RAI14: variants seen among roughly 807,000 people sequenced by gnomAD.
RAI14 encodes the protein retinoic acid induced 14, also known as ankycorbin.
In RAI14, 45 loss-of-function variants were observed where a neutral mutation model predicts 115.4. That is an observed-to-expected ratio of 0.39 (90% CI 0.31 to 0.50). The LOEUF (loss-of-function observed/expected upper bound fraction) is 0.50. Among genes scored for constraint, RAI14 ranks in the 20% least tolerant of loss-of-function variants. The pLI, the probability that RAI14 is intolerant of heterozygous loss-of-function variation, is 0.85. For missense variants in RAI14, 939 were observed against 1,131.2 expected (o/e 0.83, Z 2.44); for synonymous variants, 371 against 415.4 (o/e 0.89, Z 1.30).
chr5:34,689,282 A>G (rs1738266577), intron 2 of RAI14, among the ~76,000 whole-genome samples: 1 of 152,002 alleles, frequency 6.6e-6, no homozygotes, highest in Non-Finnish European at 1.5e-5. Context: ...GGGCACACCT[A>G]TGGTTCCAGC....
In RAI14 at chr5:34,814,763, CT is replaced by C. The variant is rs1756005486; in HGVS notation, c.939+96del. The C allele has an allele frequency of 4.0e-6, 4 of 991,866 alleles. No homozygotes were observed. In the Admixed American group the frequency reaches 8.0e-5, roughly 20 times the overall value. 61.4% of individuals were successfully genotyped at this position (991,866 alleles called of 1,614,324 possible). ...ATAACACTGGGAAAAACAGAATATA[CT>C]TCTGAATCATTGGTTCACAACCTTT... On this transcript the variant is annotated intron_variant, in intron 12 of 17. Coordinates refer to ENST00000265109, the MANE Select transcript of RAI14 (RefSeq NM_015577.3).
At chr5:34,682,245 C>G (rs1744441983) in intron 1 of RAI14, among the ~76,000 whole-genome samples, 1 of 151,962 alleles carries the variant, frequency 6.6e-6, no homozygotes, top group Non-Finnish European at 1.5e-5. Flanking sequence ...AGATATCATT[C>G]ATATACCATT....
intron 2 of RAI14, among the ~76,000 whole-genome samples, chr5:34,687,324 G>A (rs1277794372): frequency 6.6e-6 from 1 of 152,064 alleles, no homozygotes; most frequent in African/African-American, 2.4e-5. Context: ...TCTCTCATGC[G>A]GGTGGTTTAG....
chr5:34,687,724 T>C (rs1292341924), intron 2 of RAI14: 1 of 1,551,474 alleles, frequency 6.4e-7, no homozygotes, highest in East Asian at 2.4e-5. Flanking sequence ...GAAGCCAAGG[T>C]ATGTCACTCT....
At chr5:34,795,524 A>G (rs1376644328) in intron 3 of RAI14, among the ~76,000 whole-genome samples, 1 of 152,248 alleles carries the variant, frequency 6.6e-6, no homozygotes, top group Non-Finnish European at 1.5e-5. Flanking sequence ...TTTAGAGCAT[A>G]TCACTTTAAA....
intron 12 of RAI14, among the ~76,000 whole-genome samples, chr5:34,815,424 C>A (rs1756114411): frequency 6.6e-6 from 1 of 151,580 alleles, no homozygotes; most frequent in South Asian, 2.1e-4. Flanking sequence ...TTAGTTGGGC[C>A]TGGTGGCAGG....
intron 2 of RAI14, chr5:34,688,179 C>T: frequency 5.2e-6 from 8 of 1,548,978 alleles, no homozygotes; most frequent in Non-Finnish European, 7.0e-6. Context: ...CCTCCTTCAA[C>T]CTCATCGTCT....
chr5:34,664,005 A>G (rs1271645931), intron 1 of RAI14, among the ~76,000 whole-genome samples: 2 of 152,112 alleles, frequency 1.3e-5, no homozygotes, highest in Admixed American at 1.3e-4. Flanking sequence ...GTATAATTCC[A>G]TGACCATATG....
chr5:34,743,359 G>A (rs190601628), intron 2 of RAI14, among the ~76,000 whole-genome samples: 1 of 152,242 alleles, frequency 6.6e-6, no homozygotes, highest in African/African-American at 2.4e-5. Flanking sequence ...TCTAATCTCT[G>A]CCTCCATCTT....
intron 1 of RAI14, among the ~76,000 whole-genome samples, chr5:34,667,099 G>C (rs1190000724): frequency 6.6e-6 from 1 of 152,108 alleles, no homozygotes; most frequent in Non-Finnish European, 1.5e-5. Flanking sequence ...CCTGGTACTG[G>C]CTGCTCAGCA....
intron 1 of RAI14, chr5:34,686,512 AAAT>A (rs1203913658): frequency 6.5e-6 from 1 of 154,790 alleles, no homozygotes; most frequent in Non-Finnish European, 1.4e-5. Context: ...CATCACAGTG[AAAT>A]AATAAGTATG....
chr5:34,662,151 A>G (rs916886037), intron 1 of RAI14, among the ~76,000 whole-genome samples: 6 of 152,244 alleles, frequency 3.9e-5, no homozygotes, highest in African/African-American at 1.4e-4. Context: ...GTACATCATC[A>G]TTGCCCTGAC....
At chr5:34,686,847 A>G in intron 1 of RAI14, 25 bp from the exon 2 acceptor site, 1 of 1,472,802 alleles carries the variant, frequency 6.8e-7, no homozygotes. Flanking sequence ...GGAAACCTAC[A>G]TATGTCCTTT....
At position 34,756,242 on chromosome 5, in the gene RAI14, C is replaced by T. The variant is rs567266986; in HGVS notation, c.37-1226C>T. ...AGTACAGAGATTGGGAACATACTCC[C>T]GGGGCCGTGGAAGACTGTCATCCTG... On this transcript the variant is annotated intron_variant, in intron 2 of 17. Coordinates refer to ENST00000265109, the MANE Select transcript of RAI14 (RefSeq NM_015577.3). Among the ~76,000 whole-genome samples, 24 of 152,232 alleles carry T rather than the reference C, an allele frequency of 1.6e-4. 1 individual carries two copies. Among genetic ancestry groups the T allele is most frequent in the African/African-American group, 9.6e-5 (4 of 41,534 alleles).
chr5:34,813,645 T>C lies in RAI14; in HGVS notation c.837T>C (p.Pro279=). Residue 279 remains proline (P), a synonymous_variant, in exon 11 of 18, where the codon CCT becomes CCC. Coordinates refer to ENST00000265109, the MANE Select transcript of RAI14 (RefSeq NM_015577.3). The part of the protein sequence containing the change: ...TPKKRKAPPP[P]ISPTQLSDVS... ...AAAAACGCAAAGCTCCACCACCTCCTATCAGTCCTACCCAGGTAAAAACAA... is the reference window on the plus strand; with the variant it reads ...AAAAACGCAAAGCTCCACCACCTCCCATCAGTCCTACCCAGGTAAAAACAA... 6.2e-7 allele frequency: 1 copy of C among 1,611,572 alleles called. No individual in the cohort carries two copies. The highest frequency in any genetic ancestry group is 1.1e-5 in the South Asian group (1 of 90,990).
Position 34,752,755 on chromosome 5 carries a change from A to G in RAI14, c.37-4713A>G, listed in dbSNP as rs1020262954. Reference sequence around the variant, plus strand: ...TGTGTGTGTGTGTGTGTGTGTATATATATATATATATGTATCTTTTCTTTT... The same window carrying G: ...TGTGTGTGTGTGTGTGTGTGTATATGTATATATATATGTATCTTTTCTTTT... On this transcript the variant is annotated intron_variant, in intron 2 of 17. Transcript: ENST00000265109. 2.3e-3 allele frequency among the ~76,000 whole-genome samples: 297 copies of G among 131,044 alleles called. 1 individual carries two copies. Among genetic ancestry groups the G allele is most frequent in the Admixed American group, 5.8e-3 (73 of 12,560 alleles). 86.0% of individuals were successfully genotyped at this position (131,044 alleles called of 152,430 possible).
chr5:34,696,548 C>G (rs867411790), intron 2 of RAI14, among the ~76,000 whole-genome samples: 1 of 152,246 alleles, frequency 6.6e-6, no homozygotes, highest in Non-Finnish European at 1.5e-5. Context: ...AAAACATATT[C>G]TCTTGCTGGC....
chr5:34,757,689 G>C, intron 3 of RAI14, 91 bp downstream of exon 3: 1 of 1,430,286 alleles, frequency 7.0e-7, no homozygotes, highest in Non-Finnish European at 9.3e-7. Flanking sequence ...AATTTCACAC[G>C]TGCTCCCTCT....
intron 3 of RAI14, among the ~76,000 whole-genome samples, chr5:34,769,438 A>G (rs959910576): frequency 9.9e-5 from 15 of 152,188 alleles, no homozygotes; most frequent in Admixed American, 8.5e-4. Context: ...ATAATCTGAA[A>G]TGGGAATCCA....
Sources: gnomAD v4.1 joint callset for allele counts (sites outside exome capture counted in the v4.1 genomes callset) on GRCh38, gnomAD v4.1.1 for gene constraint, MANE v1.5 for transcripts, NCBI Gene and HGNC (gene_info 2026-07-23, HGNC 2026-07-21) for gene names.